C8orf34: variants seen among roughly 807,000 people sequenced by gnomAD.
C8orf34 encodes the protein uncharacterized protein C8orf34.
A neutral mutation model predicts 68.3 loss-of-function variants in C8orf34; 65 were observed. The ratio of observed to expected loss-of-function variants is 0.95; its 90% CI spans 0.78 to 1.17. C8orf34 has a LOEUF of 1.17. C8orf34 is among the 50% of genes most tolerant of loss of function. C8orf34 has a pLI of 0.00. For missense variants in C8orf34, 664 were observed against 655.4 expected (o/e 1.01, Z -0.14); for synonymous variants, 244 against 241.2 (o/e 1.01, Z -0.11).
chr8:68,539,912 CA>C (rs1815638090), intron 7 of C8orf34, among the ~76,000 whole-genome samples: 1 of 149,484 alleles, frequency 6.7e-6, no homozygotes, highest in African/African-American at 2.5e-5. Flanking sequence ...AGAGTGGGCA[CA>C]AAACTTGTCA....
At chr8:68,680,351 A>G (rs1260812056) in intron 8 of C8orf34, among the ~76,000 whole-genome samples, 3 of 152,212 alleles carry the variant, frequency 2.0e-5, no homozygotes, top group African/African-American at 7.2e-5. Context: ...ACCACCCCCA[A>G]TATTTCAATG....
At chr8:68,744,748 CTA>C (rs1483716611) in intron 10 of C8orf34, among the ~76,000 whole-genome samples, 5 of 152,180 alleles carry the variant, frequency 3.3e-5, no homozygotes, top group South Asian at 2.1e-4. Flanking sequence ...AAGACCAAAT[CTA>C]TGTCTGATTG....
intron 8 of C8orf34, among the ~76,000 whole-genome samples, chr8:68,655,241 C>T (rs1361636491): frequency 6.6e-6 from 1 of 152,150 alleles, no homozygotes; most frequent in African/African-American, 2.4e-5. Flanking sequence ...AATCATATTA[C>T]ATGCCCACAT....
chr8:68,775,388 A>C (rs1387375803), intron 10 of C8orf34, among the ~76,000 whole-genome samples: 2 of 152,214 alleles, frequency 1.3e-5, no homozygotes, highest in Admixed American at 6.5e-5. Context: ...ATGGAGTATA[A>C]AAGCATAACT....
At chr8:68,333,446 A>T (rs1037989282) in intron 1 of C8orf34, among the ~76,000 whole-genome samples, 6 of 152,196 alleles carry the variant, frequency 3.9e-5, no homozygotes, top group African/African-American at 1.4e-4. Context: ...TGGATAATAA[A>T]TTCTCTTTTA....
At chr8:68,739,530 C>T (rs1288934846) in intron 10 of C8orf34, among the ~76,000 whole-genome samples, 1 of 151,994 alleles carries the variant, frequency 6.6e-6, no homozygotes, top group Non-Finnish European at 1.5e-5. Flanking sequence ...ATACAGCTAA[C>T]TAGGGAGGTG....
chr8:68,810,360 C>G (rs1248509278), intron 12 of C8orf34, among the ~76,000 whole-genome samples: 2 of 152,234 alleles, frequency 1.3e-5, no homozygotes, highest in East Asian at 3.9e-4. Flanking sequence ...CAAGCAGCTT[C>G]TGCTGCTGGC....
chr8:68,635,256 CTG>C (rs1344366184), intron 7 of C8orf34, among the ~76,000 whole-genome samples: 1 of 152,132 alleles, frequency 6.6e-6, no homozygotes, highest in Non-Finnish European at 1.5e-5. Flanking sequence ...TACCAGGATT[CTG>C]TGTCTTATTA....
At chr8:68,638,480 T>C (rs1169143681) in intron 7 of C8orf34, among the ~76,000 whole-genome samples, 2 of 152,140 alleles carry the variant, frequency 1.3e-5, no homozygotes, top group African/African-American at 4.8e-5. Context: ...TTAGCTTCTG[T>C]ATTGTTTATA....
At chr8:68,757,441 C>A in intron 10 of C8orf34, among the ~76,000 whole-genome samples, 1 of 152,036 alleles carries the variant, frequency 6.6e-6, no homozygotes. Context: ...ACCAGCCAGG[C>A]CAACATGGTG....
At chr8:68,374,088 T>C (rs1039893742) in intron 1 of C8orf34, among the ~76,000 whole-genome samples, 1 of 152,174 alleles carries the variant, frequency 6.6e-6, no homozygotes, top group African/African-American at 2.4e-5. Flanking sequence ...CCTAATCTTT[T>C]AATTTTTGTA....
intron 3 of C8orf34, among the ~76,000 whole-genome samples, chr8:68,460,059 C>T (rs1267982453): frequency 6.6e-6 from 1 of 152,176 alleles, no homozygotes; most frequent in Non-Finnish European, 1.5e-5. Flanking sequence ...TGACAGACGG[C>T]ACCTGGAAAA....
intron 1 of C8orf34, among the ~76,000 whole-genome samples, chr8:68,350,639 G>A (rs1273561819): frequency 6.6e-6 from 1 of 151,932 alleles, no homozygotes; most frequent in African/African-American, 2.4e-5. Context: ...TATATATTTA[G>A]GATAGTTAGG....
intron 5 of C8orf34, among the ~76,000 whole-genome samples, chr8:68,518,903 A>AAAAAG (rs1554571128): frequency 6.7e-6 from 1 of 150,212 alleles, no homozygotes; most frequent in African/African-American, 2.5e-5. Context: ...AAAAAAAAAA[A>AAAAAG]GGCAAGTATG....
intron 7 of C8orf34, among the ~76,000 whole-genome samples, chr8:68,565,902 G>A (rs1322556028): frequency 6.6e-6 from 1 of 151,962 alleles, no homozygotes; most frequent in Admixed American, 6.6e-5. Context: ...TCCAAAATGG[G>A]TAATCATTTA....
intron 10 of C8orf34, among the ~76,000 whole-genome samples, chr8:68,771,447 T>C (rs1354958319): frequency 6.6e-6 from 1 of 152,180 alleles, no homozygotes; most frequent in Admixed American, 6.5e-5. Flanking sequence ...TAGGAAGTGA[T>C]ATATGATGTT....
At chr8:68,726,546 T>C (rs1025244045) in intron 10 of C8orf34, among the ~76,000 whole-genome samples, 2 of 152,168 alleles carry the variant, frequency 1.3e-5, no homozygotes, top group African/African-American at 4.8e-5. Flanking sequence ...CTGAGCTAGA[T>C]TGGAGGTAAA....
At chr8:68,674,361 G>T (rs915923243) in intron 8 of C8orf34, among the ~76,000 whole-genome samples, 3 of 152,018 alleles carry the variant, frequency 2.0e-5, no homozygotes, top group Non-Finnish European at 4.4e-5. Context: ...TTCAGACAAA[G>T]AATTTAAAAT....
At chr8:68,378,060 G>C (rs1027160730) in intron 1 of C8orf34, among the ~76,000 whole-genome samples, 6 of 152,154 alleles carry the variant, frequency 3.9e-5, no homozygotes, top group African/African-American at 1.4e-4. Flanking sequence ...GACATGGGGG[G>C]ATTATGGAGA....
Sources: allele counts gnomAD v4.1 joint callset (sites outside exome capture counted in the v4.1 genomes callset), GRCh38; gene constraint gnomAD v4.1.1; transcripts MANE v1.5; gene names NCBI Gene and HGNC (gene_info 2026-07-23, HGNC 2026-07-21).